Variants in DSCAML1 observed in about 807,000 individuals in gnomAD.
The protein encoded by DSCAML1 is DS cell adhesion molecule like 1, also known as cell adhesion molecule DSCAML1.
Under a neutral mutation model 200.5 loss-of-function variants are expected in DSCAML1, and 38 were observed. The observed-to-expected ratio is 0.19, with a 90% confidence interval of 0.15 to 0.25. The LOEUF (loss-of-function observed/expected upper bound fraction) is 0.25. Among genes scored for constraint, DSCAML1 ranks in the 10% least tolerant of loss-of-function variants. The probability of loss-of-function intolerance (pLI) is 1.00; values close to 1 mark genes in which losing one functional copy is unlikely to be tolerated. For synonymous variants in DSCAML1, 1,215 were observed against 1,165.0 expected, an observed-to-expected ratio of 1.04 and a Z score of -0.87; for missense variants, 2,223 against 2,858.8, an observed-to-expected ratio of 0.78 and a Z score of 5.07.
chr11:117,706,289 TTTTA>T (rs1352718866), intron 3 of DSCAML1, among the ~76,000 whole-genome samples: 1 of 152,174 alleles, frequency 6.6e-6, no homozygotes, highest in African/African-American at 2.4e-5. Context: ...TTCCCCAGGT[TTTTA>T]TTTGTTTGTT....
intron 32 of DSCAML1, among the ~76,000 whole-genome samples, chr11:117,429,778 C>T (rs1470835836): frequency 1.3e-5 from 2 of 152,244 alleles, no homozygotes; most frequent in Non-Finnish European, 1.5e-5. Flanking sequence ...GGGCCTCTTC[C>T]CCCGGGGAGC....
At chr11:117,484,052 C>CCCGGCA (rs985036311) in intron 11 of DSCAML1, among the ~76,000 whole-genome samples, 1 of 148,434 alleles carries the variant, frequency 6.7e-6, no homozygotes, top group Non-Finnish European at 1.5e-5. Flanking sequence ...CCGCCCCTGC[C>CCCGGCA]CCGGCACCGT....
At chr11:117,492,593 C>T (rs950789100) in intron 11 of DSCAML1, among the ~76,000 whole-genome samples, 1 of 152,166 alleles carries the variant, frequency 6.6e-6, no homozygotes, top group Non-Finnish European at 1.5e-5. Context: ...ACCCACCCCA[C>T]TCCCCTTCTC....
intron 3 of DSCAML1, among the ~76,000 whole-genome samples, chr11:117,657,137 G>A (rs2052752115): frequency 6.6e-6 from 1 of 152,180 alleles, no homozygotes; most frequent in Non-Finnish European, 1.5e-5. Flanking sequence ...CCTGGAAGGT[G>A]ACACCTCTGC....
rs557423607 is a variant in DSCAML1, at chr11:117,785,387, C to A, written c.47-4577G>T. On this transcript the variant is annotated intron_variant, in intron 1 of 32. Transcript: ENST00000651296. Reference sequence around the variant, plus strand: ...TGGAAGACCTGGATAGGTGGGGTGACAAGGGGGGGCACTCCCAGAGAAGAC... The same window carrying A: ...TGGAAGACCTGGATAGGTGGGGTGAAAAGGGGGGGCACTCCCAGAGAAGAC... Among the ~76,000 whole-genome samples, 320 of 152,082 alleles carry A rather than the reference C, an allele frequency of 2.1e-3. 2 individuals carry two copies. The highest frequency in any genetic ancestry group is 7.4e-3 in the African/African-American group (309 of 41,512).
At chr11:117,811,091 C>CCA (rs2055757279) in intron 1 of DSCAML1, among the ~76,000 whole-genome samples, 1 of 152,194 alleles carries the variant, frequency 6.6e-6, no homozygotes, top group Non-Finnish European at 1.5e-5. Context: ...TAGCCCTCCC[C>CCA]CACCTGCCCA....
At chr11:117,534,268 G>A (rs755779538) in intron 3 of DSCAML1, among the ~76,000 whole-genome samples, 3 of 152,204 alleles carry the variant, frequency 2.0e-5, no homozygotes, top group Admixed American at 6.5e-5. Flanking sequence ...GGACCTCACC[G>A]TAGGGCACCT....
At chr11:117,467,576 A>G (rs2048609227) in intron 16 of DSCAML1, among the ~76,000 whole-genome samples, 1 of 152,174 alleles carries the variant, frequency 6.6e-6, no homozygotes, top group Admixed American at 6.5e-5. Context: ...AATAAAATGA[A>G]GTTTTTAATT....
chr11:117,636,543 C>T (rs2052287395), intron 3 of DSCAML1, among the ~76,000 whole-genome samples: 1 of 152,180 alleles, frequency 6.6e-6, no homozygotes. Flanking sequence ...CCATGCCCCA[C>T]AGACACCACC....
chr11:117,620,842 T>A (rs944656608), intron 3 of DSCAML1, among the ~76,000 whole-genome samples: 2 of 152,208 alleles, frequency 1.3e-5, no homozygotes, highest in Non-Finnish European at 2.9e-5. Context: ...CCTCTCTGGG[T>A]CTCAGTTTCC....
chr11:117,640,705 C>T (rs77178229), intron 3 of DSCAML1, among the ~76,000 whole-genome samples: 3,188 of 152,304 alleles, frequency 0.021, 82 homozygotes, highest in South Asian at 0.11. Flanking sequence ...TTGCAAACGC[C>T]TCTTCCCCAT....
chr11:117,593,706 T>C (rs1348740646), intron 3 of DSCAML1, among the ~76,000 whole-genome samples: 1 of 135,000 alleles, frequency 7.4e-6, no homozygotes, highest in South Asian at 2.2e-4. Context: ...CTCACTATAT[T>C]TCTTGTTTTT....
chr11:117,814,561 C>T (rs79967790), intron 1 of DSCAML1, among the ~76,000 whole-genome samples: 6,465 of 152,314 alleles, frequency 0.042, 393 homozygotes, highest in African/African-American at 0.13. Context: ...CAACCAGTCA[C>T]GTGTGCACTC....
At position 117,539,001 on chromosome 11, in the gene DSCAML1, C is replaced by T. The variant is rs552401579; in HGVS notation, c.512-6479G>A. 1.2e-4 allele frequency among the ~76,000 whole-genome samples: 19 copies of T among 152,344 alleles called. No individual in the cohort carries two copies. In the East Asian group the frequency reaches 2.3e-3, roughly 19 times the overall value. ...CAGCCAGAGCAATGCTTTCAATCCACGTCAGATCCTGCGGCTCCTCTGTTC... is the reference window on the plus strand; with the variant it reads ...CAGCCAGAGCAATGCTTTCAATCCATGTCAGATCCTGCGGCTCCTCTGTTC... On this transcript the variant is annotated intron_variant, in intron 3 of 32. Transcript: ENST00000651296.
chr11:117,587,373 T>G (rs1402776066), intron 3 of DSCAML1, among the ~76,000 whole-genome samples: 2 of 151,694 alleles, frequency 1.3e-5, no homozygotes. Context: ...GCCGCAGGGC[T>G]CGGATGCTGC....
At chr11:117,706,176 G>A (rs1229552134) in intron 3 of DSCAML1, among the ~76,000 whole-genome samples, 2 of 152,270 alleles carry the variant, frequency 1.3e-5, no homozygotes, top group African/African-American at 2.4e-5. Context: ...ATCACCTCTC[G>A]CAGGAGCCCT....
intron 13 of DSCAML1, 77 bp downstream of exon 13, chr11:117,481,097 C>T: frequency 1.4e-6 from 2 of 1,389,978 alleles, no homozygotes; most frequent in Non-Finnish European, 2.0e-6. Flanking sequence ...GTGGCCCCTG[C>T]TCTTTGAGGT....
At chr11:117,706,070 C>T (rs1333496616) in intron 3 of DSCAML1, among the ~76,000 whole-genome samples, 2 of 152,060 alleles carry the variant, frequency 1.3e-5, no homozygotes, top group African/African-American at 2.4e-5. Context: ...GCCTAATGAG[C>T]TTTGTTTTGA....
chr11:117,739,593 G>A (rs563105328), intron 3 of DSCAML1, among the ~76,000 whole-genome samples: 3 of 152,354 alleles, frequency 2.0e-5, no homozygotes, highest in South Asian at 2.1e-4. Context: ...CCCTCAAACC[G>A]AAGTCAAGCT....
Sources: gnomAD v4.1 joint callset for allele counts (sites outside exome capture counted in the v4.1 genomes callset) on GRCh38, gnomAD v4.1.1 for gene constraint, MANE v1.5 for transcripts, NCBI Gene and HGNC (gene_info 2026-07-23, HGNC 2026-07-21) for gene names.